The following ADAM12 variants were observed in gnomAD, a reference collection of about 807,000 sequenced individuals.
ADAM12 encodes the protein disintegrin and metalloproteinase domain-containing protein 12.
A neutral mutation model predicts 106.4 loss-of-function variants in ADAM12; 70 were observed. That is an observed-to-expected ratio of 0.66 (90% CI 0.54 to 0.80). The LOEUF (loss-of-function observed/expected upper bound fraction) is 0.80. Among genes scored for constraint, ADAM12 ranks in the 30% least tolerant of loss-of-function variants. The pLI, the probability that ADAM12 is intolerant of heterozygous loss-of-function variation, is 0.00. For synonymous variants in ADAM12, 420 were observed against 433.5 expected (o/e 0.97, Z 0.39); for missense variants, 1,010 against 1,171.9 (o/e 0.86, Z 2.02).
At chr10:126,220,907 C>T (rs114515281) in intron 3 of ADAM12, among the ~76,000 whole-genome samples, 3 of 152,256 alleles carry the variant, frequency 2.0e-5, no homozygotes, top group Non-Finnish European at 2.9e-5. Flanking sequence ...GCAGGGAAAC[C>T]CGCATCTCCA....
intron 2 of ADAM12, among the ~76,000 whole-genome samples, chr10:126,318,479 C>T (rs1022656935): frequency 6.6e-6 from 1 of 151,442 alleles, no homozygotes; most frequent in African/African-American, 2.4e-5. Context: ...CACACTCACA[C>T]ATTCACACAT....
At chr10:126,332,303 C>T (rs1342504971) in intron 1 of ADAM12, among the ~76,000 whole-genome samples, 1 of 152,228 alleles carries the variant, frequency 6.6e-6, no homozygotes. Flanking sequence ...ACCCTCATCT[C>T]TTGAACACAG....
intron 3 of ADAM12, among the ~76,000 whole-genome samples, chr10:126,275,763 A>G (rs556631002): frequency 5.3e-5 from 8 of 152,160 alleles, no homozygotes; most frequent in Non-Finnish European, 1.2e-4. Context: ...TACGTTAGCA[A>G]TCTTCTTTTC....
chr10:126,084,689 C>G (rs1227436589), intron 11 of ADAM12, among the ~76,000 whole-genome samples: 1 of 152,208 alleles, frequency 6.6e-6, no homozygotes, highest in Admixed American at 6.5e-5. Context: ...TCTTGCCCCA[C>G]TGAGCAACTG....
At chr10:126,020,751 G>A (rs1953749295) in intron 21 of ADAM12, among the ~76,000 whole-genome samples, 1 of 152,098 alleles carries the variant, frequency 6.6e-6, no homozygotes, top group African/African-American at 2.4e-5. Context: ...AGCACTTTGG[G>A]AGGCCGAGGC....
intron 11 of ADAM12, among the ~76,000 whole-genome samples, 189 bp downstream of exon 11, chr10:126,093,796 T>C (rs991713381): frequency 2.0e-5 from 3 of 152,230 alleles, no homozygotes; most frequent in Non-Finnish European, 2.9e-5. Context: ...CCATGTAGCA[T>C]TGCCATCTGG....
intron 3 of ADAM12, among the ~76,000 whole-genome samples, chr10:126,172,624 G>A (rs1262698990): frequency 1.3e-5 from 2 of 152,220 alleles, no homozygotes; most frequent in Non-Finnish European, 1.5e-5. Context: ...TGGAGAGGAT[G>A]TGGAGAAATA....
chr10:126,128,167 C>G (rs1484358219), intron 5 of ADAM12, among the ~76,000 whole-genome samples: 1 of 152,052 alleles, frequency 6.6e-6, no homozygotes, highest in African/African-American at 2.4e-5. Flanking sequence ...AGCATGAGAC[C>G]TGCTCGTGGC....
intron 3 of ADAM12, among the ~76,000 whole-genome samples, chr10:126,184,202 G>A (rs114775291): frequency 0.011 from 1,608 of 152,196 alleles, 35 homozygotes; most frequent in African/African-American, 0.036. Context: ...TCAATCCAGA[G>A]CATATCAGAA....
chr10:126,111,684 CAT>C (rs1458640311), intron 6 of ADAM12, among the ~76,000 whole-genome samples: 3 of 152,166 alleles, frequency 2.0e-5, no homozygotes, highest in South Asian at 2.1e-4. Flanking sequence ...TAAAAACAAA[CAT>C]GTGAACACAA....
chr10:126,077,503 G>T (rs1206381374), intron 11 of ADAM12, among the ~76,000 whole-genome samples: 1 of 152,124 alleles, frequency 6.6e-6, no homozygotes, highest in African/African-American at 2.4e-5. Flanking sequence ...ATATTATAAG[G>T]CTACAGTAAC....
intron 4 of ADAM12, among the ~76,000 whole-genome samples, chr10:126,149,472 T>C (rs189384608): frequency 6.8e-4 from 103 of 152,296 alleles, no homozygotes; most frequent in African/African-American, 2.5e-3. Flanking sequence ...CTTGATTGGA[T>C]TGAAGGATGC....
In ADAM12 at chr10:126,066,874, A is replaced by T. The variant is rs1334429637; in HGVS notation, c.1324-68T>A. 6.8e-6 allele frequency: 10 copies of T among 1,462,518 alleles called. No individual in the cohort carries two copies. The highest frequency in any genetic ancestry group is 6.7e-6 in the Non-Finnish European group (7 of 1,050,188). The allele number at this position is 1,462,518 out of a possible 1,614,324, so 90.6% of individuals were successfully genotyped here. The stretch of plus-strand genomic sequence containing the variant: ...TATGCACTCACTGAATGCAAACATC[A>T]CACCTTAAATGGCTGCAAAAAGCAA... On this transcript the variant is annotated intron_variant, in intron 12 of 22. Coordinates refer to ENST00000448723, the MANE Select transcript of ADAM12 (RefSeq NM_001288973.2). This position sits in a 1 kb window ranked among gnomAD's most constrained non-coding sequence, Gnocchi z 5.1.
chr10:126,150,618 G>T (rs887571849), intron 4 of ADAM12, among the ~76,000 whole-genome samples: 1 of 152,034 alleles, frequency 6.6e-6, no homozygotes, highest in Non-Finnish European at 1.5e-5. Flanking sequence ...AAGGACTCTT[G>T]ACTCTGGCCA....
At chr10:126,226,671 G>T (rs1256446068) in intron 3 of ADAM12, among the ~76,000 whole-genome samples, 1 of 152,190 alleles carries the variant, frequency 6.6e-6, no homozygotes, top group Non-Finnish European at 1.5e-5. Flanking sequence ...AAAAATGCAT[G>T]TAGAGAGCTT....
At chr10:126,107,501 G>A (rs75292272) in intron 8 of ADAM12, among the ~76,000 whole-genome samples, 2,233 of 152,284 alleles carry the variant, frequency 0.015, 47 homozygotes, top group East Asian at 0.067. Context: ...AAAACTTAGA[G>A]AATGCAATTC....
chr10:126,254,236 G>A (rs375637222), intron 3 of ADAM12, among the ~76,000 whole-genome samples: 1 of 152,212 alleles, frequency 6.6e-6, no homozygotes, highest in South Asian at 2.1e-4. Flanking sequence ...TATCAGCTGC[G>A]TGACCTGGTG....
Position 126,043,171 on chromosome 10 carries a change from C to G in ADAM12, c.1996-23G>C, listed in dbSNP as rs78012616. On this transcript the variant is annotated intron_variant, in intron 17 of 22. Coordinates refer to ENST00000448723, the MANE Select transcript of ADAM12 (RefSeq NM_001288973.2). This position sits in a 1 kb window ranked among gnomAD's most constrained non-coding sequence, Gnocchi z 4.1. ...CACCTTTCAGGGCAGAGGGGAGGGACGTGGGGTTAGGGCATATGCTCTGTG... is the reference window on the plus strand; with the variant it reads ...CACCTTTCAGGGCAGAGGGGAGGGAGGTGGGGTTAGGGCATATGCTCTGTG... 1 of 1,609,850 alleles carries G rather than the reference C, an allele frequency of 6.2e-7. No individual in the cohort carries two copies. Among genetic ancestry groups the G allele is most frequent in the Non-Finnish European group, 8.5e-7 (1 of 1,177,070 alleles).
At chr10:126,283,007 T>C (rs1959661738) in intron 2 of ADAM12, among the ~76,000 whole-genome samples, 1 of 151,894 alleles carries the variant, frequency 6.6e-6, no homozygotes, top group South Asian at 2.1e-4. Context: ...GCCCTGAGAT[T>C]ATTTTTCTGC....
Sources: gnomAD v4.1 joint callset for allele counts (sites outside exome capture counted in the v4.1 genomes callset) on GRCh38, gnomAD v4.1.1 for gene constraint, Gnocchi (gnomAD v3.1) non-coding constraint, MANE v1.5 for transcripts, NCBI Gene and HGNC (gene_info 2026-07-23, HGNC 2026-07-21) for gene names.